Variants in LCORL observed in about 807,000 individuals in gnomAD.
The protein encoded by LCORL is ligand-dependent nuclear receptor corepressor-like protein.
LCORL carries 41 observed loss-of-function variants against 141.8 expected under a neutral mutation model. The observed-to-expected ratio is 0.29, with a 90% CI of 0.23 to 0.38. The LOEUF (loss-of-function observed/expected upper bound fraction) is 0.38, where lower values mean the gene tolerates loss of function less well. Ranked by LOEUF, LCORL falls within the 10% of genes least tolerant of loss-of-function variation. The pLI is 1.00. For synonymous variants in LCORL, 618 were observed against 694.1 expected (o/e 0.89, Z 1.72); for missense variants, 1,759 against 2,035.0 (o/e 0.86, Z 2.61).
chr4:17,845,685 C>T (rs756541738), exon 8 of LCORL: 5 of 1,486,738 alleles, frequency 3.4e-6, no homozygotes, highest in African/African-American at 1.4e-5. Flanking sequence ...GGAATACTGA[C>T]ATACAAAATA....
chr4:17,870,113 A>G (rs934701568), intron 7 of LCORL, among the ~76,000 whole-genome samples: 1 of 152,038 alleles, frequency 6.6e-6, no homozygotes, highest in Admixed American at 6.6e-5. Context: ...TTTATGCCTC[A>G]GTTCTGATAA....
chr4:17,956,300 C>T (rs987426879), intron 4 of LCORL, among the ~76,000 whole-genome samples: 2 of 152,126 alleles, frequency 1.3e-5, no homozygotes. Flanking sequence ...AGCAACCCCA[C>T]TACTGGGTAT....
exon 8 of LCORL, chr4:17,845,563 A>G: frequency 2.1e-6 from 1 of 481,964 alleles, no homozygotes; most frequent in East Asian, 3.3e-5. Flanking sequence ...ACATGTAAAA[A>G]AAACATATAA....
At chr4:17,912,624 T>C (rs1732749265) in intron 4 of LCORL, 1 of 396,646 alleles carries the variant, frequency 2.5e-6, no homozygotes, top group Admixed American at 3.3e-5. Flanking sequence ...GAGATGGACC[T>C]GGACTTGATG....
chr4:18,020,985 G>A (rs1395312181), intron 1 of LCORL, among the ~76,000 whole-genome samples: 1 of 152,072 alleles, frequency 6.6e-6, no homozygotes, highest in Admixed American at 6.5e-5. Context: ...CGAGAGGGCA[G>A]AGTTGGGCGC....
intron 1 of LCORL, among the ~76,000 whole-genome samples, chr4:18,006,951 C>A (rs1722915104): frequency 6.6e-6 from 1 of 152,058 alleles, no homozygotes; most frequent in African/African-American, 2.4e-5. Flanking sequence ...AAATGATTCT[C>A]TGTTCTTTCT....
At chr4:17,948,954 G>C (rs141115271) in intron 4 of LCORL, among the ~76,000 whole-genome samples, 4 of 151,972 alleles carry the variant, frequency 2.6e-5, no homozygotes, top group African/African-American at 7.2e-5. Context: ...TCTAAGCAGC[G>C]TAAGGGCTGA....
chr4:18,009,141 A>G (rs995877898), intron 1 of LCORL, among the ~76,000 whole-genome samples: 2 of 152,086 alleles, frequency 1.3e-5, no homozygotes, highest in African/African-American at 2.4e-5. Context: ...CTATATCTAT[A>G]TATGATGAAA....
chr4:17,974,788 A>G (rs899921057), intron 1 of LCORL, among the ~76,000 whole-genome samples: 4 of 152,130 alleles, frequency 2.6e-5, no homozygotes, highest in Non-Finnish European at 4.4e-5. Context: ...AAATCAGTAA[A>G]AAACTATTTA....
exon 8 of LCORL, chr4:17,843,378 A>AAAAG: frequency 6.2e-7 from 1 of 1,612,162 alleles, no homozygotes; most frequent in Non-Finnish European, 8.5e-7. Context: ...AGCACTAGAA[A>AAAAG]AAAGTAAACT....
intron 1 of LCORL, 70 bp from the exon 2 acceptor site, chr4:17,972,955 A>G: frequency 1.5e-6 from 1 of 654,858 alleles, no homozygotes. Flanking sequence ...AAAGTCATAA[A>G]CTCTGTATCA....
chr4:17,887,356 AAC>A (rs750318645), intron 5 of LCORL, among the ~76,000 whole-genome samples: 4 of 152,196 alleles, frequency 2.6e-5, no homozygotes, highest in Non-Finnish European at 4.4e-5. Flanking sequence ...CCTGGAAAAT[AAC>A]ACAGAGTAAG....
chr4:17,989,824 G>A (rs1248703172), intron 1 of LCORL, among the ~76,000 whole-genome samples: 1 of 152,168 alleles, frequency 6.6e-6, no homozygotes, highest in Non-Finnish European at 1.5e-5. Flanking sequence ...CTGGTATGAT[G>A]TGGCTGGTTG....
At chr4:17,912,260 T>C in intron 4 of LCORL, 3 of 707,372 alleles carry the variant, frequency 4.2e-6, no homozygotes, top group Non-Finnish European at 7.9e-6. Flanking sequence ...TCCTGCAAGG[T>C]CACTGATGAA....
intron 5 of LCORL, among the ~76,000 whole-genome samples, chr4:17,892,503 C>T (rs974140885): frequency 6.6e-6 from 1 of 152,166 alleles, no homozygotes; most frequent in Non-Finnish European, 1.5e-5. Context: ...AACCACCATG[C>T]CCGGGCTCAA....
At chr4:17,902,969 A>C (rs1731099458) in intron 5 of LCORL, among the ~76,000 whole-genome samples, 1 of 152,108 alleles carries the variant, frequency 6.6e-6, no homozygotes, top group Admixed American at 6.6e-5. Context: ...CATTATCATG[A>C]CACAATGTTC....
intron 7 of LCORL, among the ~76,000 whole-genome samples, 162 bp from the exon 8 acceptor site, chr4:17,846,063 A>T (rs1223628704): frequency 6.6e-6 from 1 of 152,150 alleles, no homozygotes; most frequent in Non-Finnish European, 1.5e-5. Context: ...CCGCCTACTT[A>T]CTGAACTAAA....
At chr4:17,875,574 C>A (rs1449952642) in exon 7 of LCORL, 2 of 1,231,246 alleles carry the variant, frequency 1.6e-6, no homozygotes, top group Non-Finnish European at 2.0e-6. Flanking sequence ...TACTGTAATA[C>A]TCTTTTTATA....
intron 7 of LCORL, among the ~76,000 whole-genome samples, chr4:17,858,623 G>C (rs1181736507): frequency 6.6e-6 from 1 of 151,742 alleles, no homozygotes; most frequent in Non-Finnish European, 1.5e-5. Flanking sequence ...AGCTACTTGG[G>C]AGGCTGAGGC....
Sources: allele counts gnomAD v4.1 joint callset (sites outside exome capture counted in the v4.1 genomes callset), GRCh38; gene constraint gnomAD v4.1.1; transcripts MANE v1.5; gene names NCBI Gene and HGNC (gene_info 2026-07-23, HGNC 2026-07-21).